The following IL33 variants were observed in gnomAD, a reference collection of about 807,000 sequenced individuals.
IL33 encodes the protein interleukin-33.
Under a neutral mutation model 27.3 loss-of-function variants are expected in IL33, and 37 were observed. The observed-to-expected ratio is 1.36, with a 90% CI of 1.04 to 1.78. The LOEUF is 1.78. Ranked by LOEUF, IL33 falls within the 40% of genes most tolerant of loss-of-function variation. IL33 has a pLI of 0.00. For missense variants in IL33, 406 were observed against 311.4 expected, an observed-to-expected ratio of 1.30 and a Z score of -2.29; for synonymous variants, 132 against 102.9, an observed-to-expected ratio of 1.28 and a Z score of -1.71.
intron 1 of IL33, among the ~76,000 whole-genome samples, chr9:6,218,905 T>TATATATGTTCTCC (rs1564044163): frequency 1.0e-4 from 3 of 30,026 alleles, no homozygotes; most frequent in Non-Finnish European, 1.5e-4. Context: ...TCTCCATATA[T>TATATATGTTCTCC]ATATATATAT....
chr9:6,245,841 T>C (rs931441647), intron 2 of IL33, among the ~76,000 whole-genome samples: 5 of 151,728 alleles, frequency 3.3e-5, no homozygotes, highest in African/African-American at 1.2e-4. Flanking sequence ...GGCGGGCGGA[T>C]CATGAGGTCA....
chr9:6,251,691 C>T (rs3858049), intron 4 of IL33, among the ~76,000 whole-genome samples: 3,078 of 151,604 alleles, frequency 0.02, 112 homozygotes, highest in African/African-American at 0.07. Flanking sequence ...TTATCACTTC[C>T]TTGTATAAGG....
At chr9:6,231,910 A>C (rs1054763468) in intron 1 of IL33, among the ~76,000 whole-genome samples, 1 of 152,186 alleles carries the variant, frequency 6.6e-6, no homozygotes, top group Non-Finnish European at 1.5e-5. Flanking sequence ...ATTTTCCACA[A>C]TGAGTATGCA....
intron 2 of IL33, among the ~76,000 whole-genome samples, chr9:6,249,367 T>C (rs898260169): frequency 1.3e-5 from 2 of 152,260 alleles, no homozygotes; most frequent in Admixed American, 1.3e-4. Context: ...TTACTGTGAC[T>C]AATTGAAATT....
At chr9:6,227,019 C>A (rs557624204) in intron 1 of IL33, among the ~76,000 whole-genome samples, 1 of 152,360 alleles carries the variant, frequency 6.6e-6, no homozygotes, top group Admixed American at 6.5e-5. Context: ...TGGAAGCACA[C>A]AAGTAGTTTG....
At chr9:6,254,291 T>C (rs181273296) in intron 6 of IL33, among the ~76,000 whole-genome samples, 171 bp from the exon 7 acceptor site, 70 of 152,338 alleles carry the variant, frequency 4.6e-4, no homozygotes, top group Non-Finnish European at 7.5e-4. Flanking sequence ...AAGTACCCTC[T>C]ACTTATCAGT....
intron 2 of IL33, among the ~76,000 whole-genome samples, chr9:6,246,063 CAAAAAAAAAAAAAAAAAAAAAA>C (rs71328183): frequency 4.0e-4 from 20 of 49,602 alleles, no homozygotes; most frequent in African/African-American, 1.6e-3. Flanking sequence ...ACTCTGTCTC[CAAAAAAAAAAAAAAAAAAAAAA>C]AAAAAAAAAA....
At chr9:6,219,727 A>G (rs1818332445) in intron 1 of IL33, among the ~76,000 whole-genome samples, 1 of 152,192 alleles carries the variant, frequency 6.6e-6, no homozygotes, top group South Asian at 2.1e-4. Flanking sequence ...ATCAAAGGTA[A>G]TTTATTAATC....
chr9:6,216,252 T>G (rs1434858020), intron 1 of IL33, among the ~76,000 whole-genome samples: 3 of 152,176 alleles, frequency 2.0e-5, no homozygotes, highest in Non-Finnish European at 4.4e-5. Flanking sequence ...CATCTCAGCT[T>G]CCCAAGCAGC....
chr9:6,226,207 C>T (rs1418386), intron 1 of IL33, among the ~76,000 whole-genome samples: 51,960 of 151,482 alleles, frequency 0.34, 10,414 homozygotes, highest in African/African-American at 0.55. Flanking sequence ...AGAGATGGGG[C>T]CTCGCTATGT....
At chr9:6,241,905 A>C (rs886694466) in intron 2 of IL33, 120 bp downstream of exon 2, 10 of 718,050 alleles carry the variant, frequency 1.4e-5, no homozygotes, top group South Asian at 2.1e-5. Flanking sequence ...CAAGAACTAA[A>C]ATAAAAAGAG....
chr9:6,215,482 C>T (rs552266358), upstream of IL33, among the ~76,000 whole-genome samples: 5 of 152,078 alleles, frequency 3.3e-5, no homozygotes, highest in East Asian at 1.9e-4. Context: ...AAGAAGCCAA[C>T]GGCCAAAAGT....
chr9:6,227,574 A>G (rs1818698032), intron 1 of IL33, among the ~76,000 whole-genome samples: 1 of 152,282 alleles, frequency 6.6e-6, no homozygotes, highest in South Asian at 2.1e-4. Flanking sequence ...TCTGTTATCT[A>G]TTAGGCTTCC....
chr9:6,245,564 A>G (rs575361980), intron 2 of IL33, among the ~76,000 whole-genome samples: 1 of 152,356 alleles, frequency 6.6e-6, no homozygotes, highest in South Asian at 2.1e-4. Flanking sequence ...AGGAGGCAAG[A>G]GTAGAAACAG....
At chr9:6,223,963 T>A (rs892616757) in intron 1 of IL33, among the ~76,000 whole-genome samples, 1 of 152,148 alleles carries the variant, frequency 6.6e-6, no homozygotes, top group Non-Finnish European at 1.5e-5. Context: ...CATCAGATAC[T>A]CAGAGGAGCC....
At chr9:6,239,454 G>C (rs1475884355) in intron 1 of IL33, among the ~76,000 whole-genome samples, 2 of 152,086 alleles carry the variant, frequency 1.3e-5, no homozygotes, top group African/African-American at 2.4e-5. Context: ...ACAGCGTGGG[G>C]GTTGTCAGAA....
chr9:6,231,119 G>T (rs1405372745), intron 1 of IL33, among the ~76,000 whole-genome samples: 2 of 152,100 alleles, frequency 1.3e-5, no homozygotes, highest in Non-Finnish European at 2.9e-5. Flanking sequence ...CTCCTGGCTG[G>T]TCTCATCCCT....
chr9:6,226,545 T>G (rs1277211064), intron 1 of IL33, among the ~76,000 whole-genome samples: 1 of 152,186 alleles, frequency 6.6e-6, no homozygotes, highest in African/African-American at 2.4e-5. Flanking sequence ...TGGATTGTAT[T>G]CTAAGGAATA....
At chr9:6,215,162 G>A (rs1037947474), upstream of IL33, among the ~76,000 whole-genome samples, 11 of 152,144 alleles carry the variant, frequency 7.2e-5, no homozygotes, top group African/African-American at 1.4e-4. Flanking sequence ...GATGCCAAAC[G>A]AGATGGAGAG....
Sources: gnomAD v4.1 joint callset for allele counts (sites outside exome capture counted in the v4.1 genomes callset) on GRCh38, gnomAD v4.1.1 for gene constraint, MANE v1.5 for transcripts, NCBI Gene and HGNC (gene_info 2026-07-23, HGNC 2026-07-21) for gene names.